GLRX2: variants seen among roughly 807,000 people sequenced by gnomAD.
The protein encoded by GLRX2 is bA101E13.1 (GRX2 glutaredoxin (thioltransferase) 2).
GLRX2 carries 12 observed loss-of-function variants against 16.4 expected under a neutral mutation model. The observed-to-expected ratio is 0.73, with a 90% CI of 0.47 to 1.19. The LOEUF is 1.19. Ranked by LOEUF, GLRX2 falls within the 50% of genes most tolerant of loss-of-function variation. GLRX2 has a pLI of 0.00. For synonymous variants in GLRX2, 95 were observed against 76.2 expected, an observed-to-expected ratio of 1.25 and a Z score of -1.28; for missense variants, 201 against 201.8, an observed-to-expected ratio of 1.00 and a Z score of 0.02.
intron 1 of GLRX2, among the ~76,000 whole-genome samples, chr1:193,102,393 C>G (rs1007372837): frequency 6.6e-6 from 1 of 152,076 alleles, no homozygotes; most frequent in Non-Finnish European, 1.5e-5. Context: ...GCTCTGTCAC[C>G]GAGCCTGGAG....
chr1:193,097,655 C>T lies in GLRX2; in HGVS notation c.289G>A (p.Val97Met). 1 of 1,613,458 alleles carries T rather than the reference C, an allele frequency of 6.2e-7. No individual in the cohort carries two copies. The highest frequency in any genetic ancestry group is 8.5e-7 in the Non-Finnish European group (1 of 1,179,632). The change falls in exon 3 of 4, where the codon GTG (valine) becomes ATG (methionine). Residue 97 changes from valine to methionine, a missense_variant. Coordinates refer to ENST00000367439, the MANE Select transcript of GLRX2 (RefSeq NM_197962.3). Reference sequence around the variant, plus strand: ...CCATATTCAAGCAGGTCCAGTTCCACCACTTTATAGTTAACATTCATGTCA... The same window carrying T: ...CCATATTCAAGCAGGTCCAGTTCCATCACTTTATAGTTAACATTCATGTCA... ...FHDMNVNYKV[V>M]ELDLLEYGNQ...
Position 193,105,414 on chromosome 1 carries a change from T to C in GLRX2, c.-32A>G, listed in dbSNP as rs758104794. 18 of 1,494,722 alleles carry C rather than the reference T, an allele frequency of 1.2e-5. No individual in the cohort carries two copies. In the African/African-American group the frequency reaches 2.0e-4, roughly 17 times the overall value. 92.6% of individuals were successfully genotyped at this position (1,494,722 alleles called of 1,614,324 possible). On this transcript the variant is annotated 5_prime_UTR_variant, in exon 1 of 4. Coordinates refer to ENST00000367439, the MANE Select transcript of GLRX2 (RefSeq NM_197962.3). ...AGCCCGGATCTGCAGCGAGCTCTAC[T>C]GCCGGACACCGCGGATCCCGGGAGC... is the stretch of plus-strand genomic sequence containing the variant.
chr1:193,096,619 T>C lies in GLRX2; in HGVS notation c.*6A>G. 6.5e-7 allele frequency: 1 copy of C among 1,540,816 alleles called. No homozygotes were observed. Among genetic ancestry groups the C allele is most frequent in the Non-Finnish European group, 8.9e-7 (1 of 1,117,614 alleles). ...CACTGTACTAGCAAACTTATTAGTATAAACATCACTGAAATTCTTTCCTCT... is the reference window on the plus strand; with the variant it reads ...CACTGTACTAGCAAACTTATTAGTACAAACATCACTGAAATTCTTTCCTCT... On this transcript the variant is annotated 3_prime_UTR_variant, in exon 4 of 4. Coordinates refer to ENST00000367439, the MANE Select transcript of GLRX2 (RefSeq NM_197962.3).
At chr1:193,104,592 A>T (rs1165036119) in intron 1 of GLRX2, among the ~76,000 whole-genome samples, 1 of 152,250 alleles carries the variant, frequency 6.6e-6, no homozygotes, top group Non-Finnish European at 1.5e-5. Flanking sequence ...CAGGCGCGGA[A>T]GTGCGAGCCG....
chr1:193,105,262 AC>A lies in GLRX2; in HGVS notation c.119+1del. The A allele has an allele frequency of 6.5e-7, 1 of 1,534,614 alleles. No homozygotes were observed. On this transcript the variant is annotated splice_donor_variant, in intron 1 of 3. Coordinates refer to ENST00000367439, the MANE Select transcript of GLRX2 (RefSeq NM_197962.3). LOFTEE classifies it high-confidence loss of function. ...CGGCACTCCTGCCCGCTGACCCCGTACCCAGAGGCCGCAGCTGCCGCAGCTC... is the reference window on the plus strand; with the variant it reads ...CGGCACTCCTGCCCGCTGACCCCGTACCAGAGGCCGCAGCTGCCGCAGCTC...
chr1:193,101,037 C>T, intron 2 of GLRX2, 104 bp downstream of exon 2: 1 of 770,296 alleles, frequency 1.3e-6, no homozygotes, highest in Non-Finnish European at 2.3e-6. Flanking sequence ...AATTCATTTG[C>T]TAAACTATCT....
chr1:193,098,042 T>A (rs1674995327), intron 2 of GLRX2, among the ~76,000 whole-genome samples: 1 of 152,200 alleles, frequency 6.6e-6, no homozygotes, highest in South Asian at 2.1e-4. Context: ...CAGGTACTAT[T>A]CTCAACAATT....
At chr1:193,105,495 T>G (rs1212257055), upstream of GLRX2, 3 of 1,403,652 alleles carry the variant, frequency 2.1e-6, no homozygotes, top group African/African-American at 4.6e-5. Context: ...CCCTCCGGAC[T>G]GCCCGCGCCG....
chr1:193,104,795 G>A (rs1467637966), intron 1 of GLRX2, among the ~76,000 whole-genome samples: 2 of 152,260 alleles, frequency 1.3e-5, no homozygotes, highest in African/African-American at 4.8e-5. Flanking sequence ...GGGAATCATC[G>A]CCTTCACTTC....
Position 193,097,775 on chromosome 1 carries a change from C to T in GLRX2, c.184-15G>A. On this transcript the variant is annotated splice_polypyrimidine_tract_variant and intron_variant, in intron 2 of 3. Transcript: ENST00000367439. ...GAAATTGTTTCCTGAAATAAAACCA[C>T]AAAAAATCATTTTAATTCTAGACAT... 6.5e-7 allele frequency: 1 copy of T among 1,535,836 alleles called. No individual in the cohort carries two copies. Among genetic ancestry groups the T allele is most frequent in the South Asian group, 1.2e-5 (1 of 82,678 alleles).
chr1:193,097,560 C>T, intron 3 of GLRX2, 24 bp downstream of exon 3: 1 of 1,553,970 alleles, frequency 6.4e-7, no homozygotes, highest in African/African-American at 1.4e-5. Context: ...TAAAGAGGAA[C>T]AGCACCACAG....
chr1:193,101,176 C>T lies in GLRX2; in HGVS notation c.148G>A (p.Glu50Lys), dbSNP rs762682354. Reference sequence around the variant, plus strand: ...TTCACAGGCGCCGTCGCTAAATTCTCCAAAGATGATGATGTATTGCTCTCC... The same window carrying T: ...TTCACAGGCGCCGTCGCTAAATTCTTCAAAGATGATGATGTATTGCTCTCC... ...GMESNTSSSL[E>K]NLATAPVNQI... is the part of the protein sequence containing the mutation. The change falls in exon 2 of 4, where the codon GAG becomes AAG. Residue 50 changes from glutamate to lysine, a missense_variant. Transcript: ENST00000367439. 6.8e-6 allele frequency: 11 copies of T among 1,610,944 alleles called. No homozygotes were observed. Among genetic ancestry groups the T allele is most frequent in the Non-Finnish European group, 9.3e-6 (11 of 1,177,264 alleles).
intron 1 of GLRX2, 170 bp downstream of exon 1, chr1:193,105,089 ACCCTT>A: frequency 1.6e-6 from 1 of 622,442 alleles, no homozygotes; most frequent in Non-Finnish European, 2.0e-6. Context: ...CGCGGAGGGC[ACCCTT>A]CCCTGCCCAT....
At chr1:193,104,594 T>C (rs918972982) in intron 1 of GLRX2, among the ~76,000 whole-genome samples, 2 of 152,220 alleles carry the variant, frequency 1.3e-5, no homozygotes, top group African/African-American at 4.8e-5. Flanking sequence ...GGCGCGGAAG[T>C]GCGAGCCGGC....
At chr1:193,098,185 G>A in intron 2 of GLRX2, among the ~76,000 whole-genome samples, 1 of 152,160 alleles carries the variant, frequency 6.6e-6, no homozygotes, top group Admixed American at 6.5e-5. Flanking sequence ...CTAATAGGTG[G>A]AAGAGCTGGG....
intron 1 of GLRX2, among the ~76,000 whole-genome samples, chr1:193,103,081 C>A (rs551193672): frequency 6.6e-6 from 1 of 152,112 alleles, no homozygotes; most frequent in South Asian, 2.1e-4. Context: ...TGGCTCCAAA[C>A]CACTAGAGTA....
upstream of GLRX2, chr1:193,105,738 A>G: frequency 1.4e-6 from 2 of 1,420,918 alleles, no homozygotes; most frequent in Non-Finnish European, 1.8e-6. Flanking sequence ...CATGCTGGGG[A>G]AACGGAGGAG....
intron 3 of GLRX2, 63 bp downstream of exon 3, chr1:193,097,521 G>A: frequency 6.2e-6 from 8 of 1,291,392 alleles, no homozygotes; most frequent in Non-Finnish European, 6.3e-6. Context: ...CAAGGTTCTA[G>A]GCTCTGGGTG....
upstream of GLRX2, chr1:193,105,827 G>A: frequency 7.6e-7 from 1 of 1,313,082 alleles, no homozygotes; most frequent in Non-Finnish European, 9.7e-7. Flanking sequence ...GTTTTTGTGT[G>A]GATGAAATAA....
Sources: allele counts gnomAD v4.1 joint callset (sites outside exome capture counted in the v4.1 genomes callset), GRCh38; gene constraint gnomAD v4.1.1; transcripts MANE v1.5; gene names NCBI Gene and HGNC (gene_info 2026-07-23, HGNC 2026-07-21).